Variants in RAB27B observed in about 807,000 individuals in gnomAD.
RAB27B encodes ras-related protein Rab-27B.
A neutral mutation model predicts 24.6 loss-of-function variants in RAB27B; 15 were observed. The ratio of observed to expected loss-of-function variants is 0.61; its 90% confidence interval spans 0.41 to 0.94. The LOEUF is 0.94. Among genes scored for constraint, RAB27B ranks in the 40% least tolerant of loss-of-function variants. The probability of loss-of-function intolerance (pLI) is 0.00; values close to 1 mark genes in which losing one functional copy is unlikely to be tolerated. For synonymous variants in RAB27B, 105 were observed against 92.5 expected (o/e 1.14, Z -0.78); for missense variants, 261 against 266.8 (o/e 0.98, Z 0.15).
intron 2 of RAB27B, among the ~76,000 whole-genome samples, chr18:54,784,526 C>T (rs906608856): frequency 7.2e-5 from 11 of 152,290 alleles, no homozygotes; most frequent in African/African-American, 2.2e-4. Context: ...AGTGCATACC[C>T]AGTGTTTAAC....
rs1209225339 is a variant in RAB27B, at chr18:54,850,631, G to A, written c.-20+21931G>A. Among the ~76,000 whole-genome samples, 6 of 151,438 alleles carry A rather than the reference G, an allele frequency of 4.0e-5. No individual in the cohort carries two copies. The East Asian group carries it at 1.2e-3, about 29-fold the overall frequency. On this transcript the variant is annotated intron_variant, in intron 1 of 5. Transcript: ENST00000262094. ...TCCACCTATCCTGGCCTCCCAAAGT[G>A]TTGGGATTGCAGGCGTGAGCCACCG... is the stretch of plus-strand genomic sequence containing the variant.
At chr18:54,861,968 T>C (rs1399487326) in intron 1 of RAB27B, among the ~76,000 whole-genome samples, 1 of 152,140 alleles carries the variant, frequency 6.6e-6, no homozygotes, top group Non-Finnish European at 1.5e-5. Flanking sequence ...TCTTTCAATA[T>C]ACAGCTTTAC....
At chr18:54,876,215 A>G (rs1912693818) in intron 1 of RAB27B, among the ~76,000 whole-genome samples, 2 of 152,294 alleles carry the variant, frequency 1.3e-5, no homozygotes, top group South Asian at 2.1e-4. Context: ...TGAGAACAGC[A>G]TGGGGGAAAC....
intron 2 of RAB27B, among the ~76,000 whole-genome samples, chr18:54,758,915 G>A (rs1908093788): frequency 6.6e-6 from 1 of 152,062 alleles, no homozygotes; most frequent in Non-Finnish European, 1.5e-5. Context: ...TGAGGTTGAG[G>A]GATCAGAAGA....
At chr18:54,884,133 T>G (rs1030400837) in intron 3 of RAB27B, among the ~76,000 whole-genome samples, 200 bp from the exon 4 acceptor site, 1 of 151,526 alleles carries the variant, frequency 6.6e-6, no homozygotes, top group Non-Finnish European at 1.5e-5. Flanking sequence ...AGCCAGGAAG[T>G]GGTCTTAAAA....
At chr18:54,770,252 G>A (rs963908737) in intron 2 of RAB27B, among the ~76,000 whole-genome samples, 17 of 152,160 alleles carry the variant, frequency 1.1e-4, no homozygotes, top group African/African-American at 4.1e-4. Flanking sequence ...CAGGAGGTGA[G>A]TGGAGGTGAA....
chr18:54,802,141 A>G (rs1003029900), intron 2 of RAB27B, among the ~76,000 whole-genome samples: 4 of 152,358 alleles, frequency 2.6e-5, no homozygotes, highest in Admixed American at 6.5e-5. Context: ...GGTACAATGA[A>G]ATCAAGTTCA....
chr18:54,750,173 C>T (rs960897901), intron 2 of RAB27B, among the ~76,000 whole-genome samples: 5 of 152,110 alleles, frequency 3.3e-5, no homozygotes, highest in African/African-American at 1.2e-4. Flanking sequence ...TGCTTCCTTC[C>T]ATTTTTTATC....
intron 2 of RAB27B, among the ~76,000 whole-genome samples, chr18:54,806,705 G>T (rs904348720): frequency 2.6e-5 from 4 of 151,282 alleles, no homozygotes; most frequent in Non-Finnish European, 4.4e-5. Context: ...AAGCTGAGAT[G>T]GTTAAGTGGA....
intron 2 of RAB27B, among the ~76,000 whole-genome samples, chr18:54,820,519 C>T (rs2145165770): frequency 6.6e-6 from 1 of 152,158 alleles, no homozygotes; most frequent in Admixed American, 6.5e-5. Context: ...GATATTAGCC[C>T]TTTGTCAGAT....
At chr18:54,857,532 G>T (rs1291216770) in intron 1 of RAB27B, among the ~76,000 whole-genome samples, 1 of 152,062 alleles carries the variant, frequency 6.6e-6, no homozygotes, top group Non-Finnish European at 1.5e-5. Flanking sequence ...ATATATTTCT[G>T]GCTTACTCCA....
chr18:54,771,607 TGTGTGTGTGTG>T, intron 2 of RAB27B, among the ~76,000 whole-genome samples: 1 of 133,838 alleles, frequency 7.5e-6, no homozygotes, highest in Non-Finnish European at 1.6e-5. Context: ...TGTGTGTGTG[TGTGTGTGTGTG>T]TGTGTGTGTG....
At chr18:54,784,802 G>C (rs1057304686) in intron 2 of RAB27B, among the ~76,000 whole-genome samples, 3 of 152,150 alleles carry the variant, frequency 2.0e-5, no homozygotes, top group Non-Finnish European at 2.9e-5. Context: ...TTTTGGTAGA[G>C]TGATTTATTT....
chr18:54,728,906 A>AAG, intron 2 of RAB27B, among the ~76,000 whole-genome samples: 1 of 143,446 alleles, frequency 7.0e-6, no homozygotes, highest in Non-Finnish European at 1.5e-5. Flanking sequence ...AAAAACCCAA[A>AAG]AAAAAAAAAA....
chr18:54,802,436 G>A (rs773337860), intron 2 of RAB27B, among the ~76,000 whole-genome samples: 7 of 152,078 alleles, frequency 4.6e-5, no homozygotes, highest in Non-Finnish European at 7.4e-5. Flanking sequence ...AAGAGTCAAC[G>A]TTTTTCTAGG....
chr18:54,776,262 CTT>C (rs1908712816), intron 2 of RAB27B, among the ~76,000 whole-genome samples: 1 of 152,272 alleles, frequency 6.6e-6, no homozygotes, highest in African/African-American at 2.4e-5. Flanking sequence ...CTTCCGCACA[CTT>C]TTCTATTCCA....
intron 1 of RAB27B, among the ~76,000 whole-genome samples, chr18:54,861,454 A>T (rs896542268): frequency 6.6e-6 from 1 of 152,206 alleles, no homozygotes; most frequent in Non-Finnish European, 1.5e-5. Context: ...AGGGCAATGA[A>T]TCGTGCTGTG....
intron 2 of RAB27B, among the ~76,000 whole-genome samples, chr18:54,746,341 G>A (rs372669394): frequency 4.6e-4 from 70 of 152,284 alleles, no homozygotes; most frequent in African/African-American, 1.6e-3. Context: ...CGGTAAGAAT[G>A]TTACTGCTAT....
rs535195495 is a variant in RAB27B at position 54,724,544 on chromosome 18, T to A, written c.-20+6403T>A. ...TTCGAGACCAGCCTGGCCAACATGGTGAAACTCCGTCCCTAATAAAAATAC... is the reference window on the plus strand; with the variant it reads ...TTCGAGACCAGCCTGGCCAACATGGAGAAACTCCGTCCCTAATAAAAATAC... On this transcript the variant is annotated intron_variant, in intron 2 of 4. Transcript: ENST00000586570. 2.6e-5 allele frequency among the ~76,000 whole-genome samples: 4 copies of A among 151,302 alleles called. No individual in the cohort carries two copies. In the East Asian group the frequency reaches 7.7e-4, roughly 29 times the overall value.
Sources: gnomAD v4.1 joint callset for allele counts (sites outside exome capture counted in the v4.1 genomes callset) on GRCh38, gnomAD v4.1.1 for gene constraint, MANE v1.5 for transcripts, NCBI Gene and HGNC (gene_info 2026-07-23, HGNC 2026-07-21) for gene names.